The following HNRNPH1 variants were observed in gnomAD, a reference collection of about 807,000 sequenced individuals.
HNRNPH1 encodes heterogeneous nuclear ribonucleoprotein H.
A neutral mutation model predicts 58.6 loss-of-function variants in HNRNPH1; 4 were observed. The ratio of observed to expected loss-of-function variants is 0.07; its 90% CI spans 0.03 to 0.16. HNRNPH1 has a LOEUF of 0.16. HNRNPH1 is among the 10% of genes least tolerant of loss of function. The pLI is 1.00. For synonymous variants in HNRNPH1, 192 were observed against 189.2 expected (o/e 1.01, Z -0.12); for missense variants, 271 against 564.2 (o/e 0.48, Z 5.26).
chr5:179,620,880 A>C lies in HNRNPH1; in HGVS notation c.397+12T>G. On this transcript the variant is annotated intron_variant, in intron 3 of 12. Coordinates refer to ENST00000356731, the Ensembl canonical transcript of HNRNPH1. The stretch of plus-strand genomic sequence containing the variant: ...CAAAACTCACTGCTCAGCAACAAAC[A>C]TGACTACATACCTGAGAAGAACTGA... The C allele has an allele frequency of 1.2e-6, 2 of 1,613,248 alleles. No homozygotes were observed. Among genetic ancestry groups the C allele is most frequent in the African/African-American group, 1.3e-5 (1 of 75,042 alleles).
intron 4 of HNRNPH1, 137 bp downstream of exon 5, chr5:179,619,132 A>G (rs181561909): frequency 2.6e-6 from 2 of 768,756 alleles, no homozygotes; most frequent in Non-Finnish European, 4.1e-6. Context: ...TGGGACTGAC[A>G]CAAGTTTGGA....
At chr5:179,620,792 C>T in intron 3 of HNRNPH1, 100 bp downstream of exon 4, 1 of 974,938 alleles carries the variant, frequency 1.0e-6, no homozygotes, top group Non-Finnish European at 1.6e-6. Context: ...CAATTTACAA[C>T]CTACTGAAAT....
chr5:179,619,608 A>G (rs563702198), intron 3 of HNRNPH1: 14 of 401,466 alleles, frequency 3.5e-5, no homozygotes, highest in Non-Finnish European at 5.8e-5. Context: ...TAACACACCC[A>G]TGGTACAGTA....
At chr5:179,630,936 CA>C (rs969899069) in intron 2 of HNRNPH1, among the ~76,000 whole-genome samples, 14 of 140,002 alleles carry the variant, frequency 1.0e-4, no homozygotes, top group Admixed American at 7.9e-4. Flanking sequence ...AAAAACAGCT[CA>C]AAAAAAAAAC....
At chr5:179,625,214 G>A (rs1774259200), upstream of HNRNPH1, among the ~76,000 whole-genome samples, 1 of 152,150 alleles carries the variant, frequency 6.6e-6, no homozygotes, top group African/African-American at 2.4e-5. Context: ...AAGAGAGTCC[G>A]GCCAGGTGCG....
At chr5:179,614,937 G>A in exon 13 of HNRNPH1, 1 of 1,547,464 alleles carries the variant, frequency 6.5e-7, no homozygotes, top group Non-Finnish European at 8.7e-7. Context: ...TGTAGTAGCT[G>A]CTGTTCACTG....
rs1035579600 is a variant in HNRNPH1 at position 179,621,403 on chromosome 5, A to G, written c.98-6T>C. On this transcript the variant is annotated splice_polypyrimidine_tract_variant and splice_region_variant and intron_variant, in intron 1 of 12. Coordinates refer to ENST00000356731, the Ensembl canonical transcript of HNRNPH1. ...CCCATTTTGAATTTTGCAGTCTGGA[A>G]AGAAAACAACCGTTAATACAGAATT... The G allele has an allele frequency of 6.2e-6, 10 of 1,612,398 alleles. No individual in the cohort carries two copies. The highest frequency in any genetic ancestry group is 8.5e-6 in the Non-Finnish European group (10 of 1,179,534).
intron 1 of HNRNPH1, among the ~76,000 whole-genome samples, chr5:179,622,268 G>A (rs1002842796): frequency 3.9e-5 from 6 of 152,146 alleles, no homozygotes; most frequent in African/African-American, 9.7e-5. Context: ...ACTTTCCGAA[G>A]AATGCTCCTT....
intron 2 of HNRNPH1, among the ~76,000 whole-genome samples, chr5:179,632,682 T>C (rs1468158708): frequency 6.6e-6 from 1 of 152,102 alleles, no homozygotes; most frequent in Non-Finnish European, 1.5e-5. Flanking sequence ...GCGGCCGGTT[T>C]TGAACTTTCC....
chr5:179,617,117 T>C lies in HNRNPH1; in HGVS notation c.1058-7A>G, dbSNP rs771454159. The stretch of plus-strand genomic sequence containing the variant: ...AGTTCTACATATCTGTGTTCTGAAA[T>C]GAGAAAAAAAAAGTTTGAAAATGTT... On this transcript the variant is annotated splice_region_variant and splice_polypyrimidine_tract_variant and intron_variant, in intron 8 of 12. Coordinates refer to ENST00000356731, the Ensembl canonical transcript of HNRNPH1. 7.4e-6 allele frequency: 12 copies of C among 1,610,776 alleles called. No individual in the cohort carries two copies. Among genetic ancestry groups the C allele is most frequent in the Non-Finnish European group, 1.0e-5 (12 of 1,179,012 alleles).
intron 11 of HNRNPH1, 34 bp downstream of exon 12, chr5:179,616,088 CATAA>C: frequency 6.6e-7 from 1 of 1,508,748 alleles, no homozygotes; most frequent in Admixed American, 1.7e-5. Context: ...CAGGCTTTAC[CATAA>C]CTTACTCTAA....
chr5:179,629,113 C>A (rs543685160), upstream of HNRNPH1: 5 of 137,496 alleles, frequency 3.6e-5, no homozygotes, highest in Admixed American at 1.5e-4. Flanking sequence ...CTGGATAACA[C>A]AGTGAAACCC....
upstream of HNRNPH1, among the ~76,000 whole-genome samples, chr5:179,626,736 C>A (rs1021719589): frequency 6.0e-5 from 9 of 149,194 alleles, no homozygotes; most frequent in Admixed American, 1.3e-4. Context: ...AAAAAAAATT[C>A]ATCATCTTGC....
At chr5:179,622,592 T>C (rs946580258) in intron 1 of HNRNPH1, among the ~76,000 whole-genome samples, 4 of 151,884 alleles carry the variant, frequency 2.6e-5, no homozygotes. Context: ...GCGCCTCTAG[T>C]CCCAGACACT....
chr5:179,627,221 T>G (rs536958982), upstream of HNRNPH1, among the ~76,000 whole-genome samples: 1 of 152,270 alleles, frequency 6.6e-6, no homozygotes, highest in East Asian at 1.9e-4. Flanking sequence ...TTTTGTTTGT[T>G]TTACAGACAA....
chr5:179,632,072 C>G (rs1268004330), intron 2 of HNRNPH1, among the ~76,000 whole-genome samples: 2 of 130,624 alleles, frequency 1.5e-5, no homozygotes, highest in Non-Finnish European at 1.8e-5. Context: ...TTTGGGAGGC[C>G]GAGGCGGGCG....
exon 13 of HNRNPH1, chr5:179,614,784 GAAAAAAAAAAAAA>G: frequency 2.3e-6 from 1 of 444,358 alleles, no homozygotes; most frequent in Non-Finnish European, 3.8e-6. Flanking sequence ...TTTTCTTAAA[GAAAAAAAAAAAAA>G]AAAAAAAAAG....
chr5:179,625,126 G>A (rs1336302944), upstream of HNRNPH1, among the ~76,000 whole-genome samples: 1 of 152,122 alleles, frequency 6.6e-6, no homozygotes, highest in Admixed American at 6.5e-5. Flanking sequence ...GTACATACCA[G>A]GCCCTCTACT....
At chr5:179,620,827 C>A (rs1010351895) in intron 3 of HNRNPH1, 65 bp downstream of exon 4, 65 of 1,465,258 alleles carry the variant, frequency 4.4e-5, no homozygotes, top group Non-Finnish European at 6.1e-5. Flanking sequence ...ACTTTAACGT[C>A]TATTAAATCA....
Sources: gnomAD v4.1 joint callset for allele counts (sites outside exome capture counted in the v4.1 genomes callset) on GRCh38, gnomAD v4.1.1 for gene constraint, MANE v1.5 for transcripts, NCBI Gene and HGNC (gene_info 2026-07-23, HGNC 2026-07-21) for gene names.